Variants in ITPR1 observed in about 807,000 individuals in gnomAD.
ITPR1 encodes the protein inositol 1,4,5-trisphosphate-gated calcium channel ITPR1.
In ITPR1, 96 loss-of-function variants were observed where a neutral mutation model predicts 318.4. The observed-to-expected ratio is 0.30, with a 90% CI of 0.26 to 0.36. ITPR1 has a LOEUF of 0.36. Ranked by LOEUF, ITPR1 falls within the 10% of genes least tolerant of loss-of-function variation. The pLI is 1.00. For synonymous variants in ITPR1, 1,312 were observed against 1,289.9 expected, an observed-to-expected ratio of 1.02 and a Z score of -0.37; for missense variants, 2,440 against 3,460.2, an observed-to-expected ratio of 0.71 and a Z score of 7.40.
chr3:4,652,279 A>C, intron 11 of ITPR1, 61 bp downstream of exon 11: 816 of 1,162,582 alleles, frequency 7.0e-4, no homozygotes, highest in Non-Finnish European at 9.6e-4. Flanking sequence ...GCCTTTCCTC[A>C]TTCGCCTGTA....
intron 60 of ITPR1, among the ~76,000 whole-genome samples, chr3:4,836,023 T>C (rs1225974387): frequency 2.0e-5 from 3 of 152,188 alleles, no homozygotes; most frequent in Non-Finnish European, 4.4e-5. Flanking sequence ...CAGAAGAGCC[T>C]ATTCCCCATT....
intron 55 of ITPR1, among the ~76,000 whole-genome samples, chr3:4,810,526 T>A (rs1479518626): frequency 1.3e-5 from 2 of 152,224 alleles, no homozygotes; most frequent in Admixed American, 6.5e-5. Context: ...CTCGCAATGT[T>A]AACGTCACTA....
intron 42 of ITPR1, among the ~76,000 whole-genome samples, chr3:4,732,174 C>T (rs1009148062): frequency 9.9e-5 from 15 of 152,220 alleles, no homozygotes; most frequent in Admixed American, 2.0e-4. Flanking sequence ...CCTCTGGTTA[C>T]TGGCTTGCCA....
At chr3:4,627,969 CCCT>C in intron 5 of ITPR1, 91 bp downstream of exon 5, 1 of 723,328 alleles carries the variant, frequency 1.4e-6, no homozygotes, top group Non-Finnish European at 2.3e-6. Context: ...GCTTATGCAA[CCCT>C]CCAATTCTAG....
intron 4 of ITPR1, among the ~76,000 whole-genome samples, chr3:4,577,393 A>G (rs2088801629): frequency 6.6e-6 from 1 of 152,220 alleles, no homozygotes; most frequent in Non-Finnish European, 1.5e-5. Flanking sequence ...GTCTAGAATA[A>G]AAACTGAGGT....
intron 52 of ITPR1, among the ~76,000 whole-genome samples, 180 bp downstream of exon 52, chr3:4,788,319 A>G (rs1349094678): frequency 6.6e-6 from 1 of 152,250 alleles, no homozygotes; most frequent in Non-Finnish European, 1.5e-5. Flanking sequence ...GGCTCAAGCC[A>G]AAGTATGATA....
intron 32 of ITPR1, among the ~76,000 whole-genome samples, chr3:4,692,338 A>C (rs2094493584): frequency 6.6e-6 from 1 of 152,216 alleles, no homozygotes; most frequent in Non-Finnish European, 1.5e-5. Flanking sequence ...TGGTGACATT[A>C]ATGCCTAACA....
intron 40 of ITPR1, among the ~76,000 whole-genome samples, chr3:4,717,936 G>C (rs1439763764): frequency 6.6e-6 from 1 of 152,146 alleles, no homozygotes; most frequent in Admixed American, 6.5e-5. Flanking sequence ...CCATCCGCAG[G>C]CTCACCGGCA....
At chr3:4,844,413 C>T (rs2051603223) in intron 61 of ITPR1, among the ~76,000 whole-genome samples, 1 of 152,208 alleles carries the variant, frequency 6.6e-6, no homozygotes, top group Admixed American at 6.5e-5. Flanking sequence ...CGTGAGCCCG[C>T]TGCACCTGGC....
chr3:4,510,718 G>A (rs761656572), intron 2 of ITPR1, among the ~76,000 whole-genome samples: 2 of 152,210 alleles, frequency 1.3e-5, no homozygotes, highest in Non-Finnish European at 2.9e-5. Flanking sequence ...ATGTGAACTT[G>A]TAACTGAGAT....
At position 4,780,480 on chromosome 3, in the gene ITPR1, G is replaced by A. The variant is rs576307540; in HGVS notation, c.6387+835G>A. On this transcript the variant is annotated intron_variant, in intron 49 of 61. Coordinates refer to ENST00000649015, the MANE Select transcript of ITPR1 (RefSeq NM_001378452.1). The stretch of plus-strand genomic sequence containing the variant: ...GGGAGAGTGTTGCAGGCTGTGAGAC[G>A]AGCAGCTTTCAGAGACGGTGACATG... 1.7e-3 allele frequency among the ~76,000 whole-genome samples: 263 copies of A among 152,272 alleles called. 3 individuals carry two copies. Among genetic ancestry groups the A allele is most frequent in the Non-Finnish European group, 2.5e-3 (171 of 68,026 alleles).
rs531550978 is a variant in ITPR1 at position 4,745,378 on chromosome 3, A to G, written c.5544+10024A>G. Among the ~76,000 whole-genome samples the G allele has an allele frequency of 5.9e-5, 9 of 152,248 alleles. No individual in the cohort carries two copies. The East Asian group carries it at 1.2e-3, about 20-fold the overall frequency. On this transcript the variant is annotated intron_variant, in intron 44 of 61. Coordinates refer to ENST00000649015, the MANE Select transcript of ITPR1 (RefSeq NM_001378452.1). ...CAGGACATTCCTTAGGAAATTGTAT[A>G]TGTAGCCTGAGAGTCCAGACACCTG... is the stretch of plus-strand genomic sequence containing the variant.
chr3:4,768,372 G>C, intron 45 of ITPR1, 139 bp from the exon 46 acceptor site: 1 of 982,304 alleles, frequency 1.0e-6, no homozygotes, highest in Non-Finnish European at 1.5e-6. Flanking sequence ...AGAGCAGATT[G>C]TGACTTCTTT....
At chr3:4,664,561 A>G (rs2093906148) in intron 16 of ITPR1, among the ~76,000 whole-genome samples, 1 of 152,256 alleles carries the variant, frequency 6.6e-6, no homozygotes, top group African/African-American at 2.4e-5. Flanking sequence ...CCAGTTCAAG[A>G]GTAAATGTCC....
intron 40 of ITPR1, among the ~76,000 whole-genome samples, chr3:4,721,795 A>G (rs1167629235): frequency 1.3e-5 from 2 of 152,192 alleles, no homozygotes; most frequent in African/African-American, 2.4e-5. Context: ...GTAGAAAACA[A>G]AGGGTATTTG....
At position 4,518,434 on chromosome 3, in the gene ITPR1, G is replaced by T. The variant is rs575525084; in HGVS notation, c.92+1851G>T. Among the ~76,000 whole-genome samples, 4 of 152,240 alleles carry T rather than the reference G, an allele frequency of 2.6e-5. No individual in the cohort carries two copies. The South Asian group carries it at 8.3e-4, about 32-fold the overall frequency. Reference sequence around the variant, plus strand: ...AGGAGGGCTTCTTTTTGAACTTTGGGTTGCTAATACTTTCTTGAGATGAAT... The same window carrying T: ...AGGAGGGCTTCTTTTTGAACTTTGGTTTGCTAATACTTTCTTGAGATGAAT... On this transcript the variant is annotated intron_variant, in intron 3 of 61. Transcript: ENST00000649015.
chr3:4,628,168 GAATCCT>G (rs1183398737), intron 5 of ITPR1, among the ~76,000 whole-genome samples: 1 of 152,190 alleles, frequency 6.6e-6, no homozygotes, highest in African/African-American at 2.4e-5. Flanking sequence ...GCCTGGAATG[GAATCCT>G]GCCTCCACCA....
At chr3:4,568,641 C>T (rs575541123) in intron 4 of ITPR1, among the ~76,000 whole-genome samples, 4 of 152,122 alleles carry the variant, frequency 2.6e-5, no homozygotes, top group South Asian at 4.2e-4. Flanking sequence ...GCAAAGGTAA[C>T]GCAGCCTGCA....
intron 61 of ITPR1, among the ~76,000 whole-genome samples, chr3:4,838,242 C>T (rs2051075020): frequency 6.6e-6 from 1 of 152,146 alleles, no homozygotes; most frequent in Non-Finnish European, 1.5e-5. Context: ...TTGTCTATAG[C>T]TCTGAGCTTG....
Sources: gnomAD v4.1 joint callset for allele counts (sites outside exome capture counted in the v4.1 genomes callset) on GRCh38, gnomAD v4.1.1 for gene constraint, MANE v1.5 for transcripts, NCBI Gene and HGNC (gene_info 2026-07-23, HGNC 2026-07-21) for gene names.